CRISP1: variants seen among roughly 807,000 people sequenced by gnomAD.
CRISP1 encodes the protein cysteine rich secretory protein 1, also known as cysteine-rich secretory protein 1.
Under a neutral mutation model 33.1 loss-of-function variants are expected in CRISP1, and 44 were observed. The ratio of observed to expected loss-of-function variants is 1.33; its 90% CI spans 1.05 to 1.71. The LOEUF (loss-of-function observed/expected upper bound fraction) is 1.71. Ranked by LOEUF, CRISP1 falls within the 40% of genes most tolerant of loss-of-function variation. The pLI, the probability that CRISP1 is intolerant of heterozygous loss-of-function variation, is 0.00. For synonymous variants in CRISP1, 103 were observed against 98.7 expected (o/e 1.04, Z -0.26); for missense variants, 390 against 301.2 (o/e 1.29, Z -2.18).
At chr6:49,844,928 T>G (rs895696035) in intron 5 of CRISP1, among the ~76,000 whole-genome samples, 8 of 149,526 alleles carry the variant, frequency 5.4e-5, no homozygotes, top group African/African-American at 2.1e-4. Flanking sequence ...TTAGATAATA[T>G]TTAGGTAAGA....
In CRISP1 at chr6:49,852,134, T is replaced by A. The variant is rs756280912; in HGVS notation, c.67-5A>T. On this transcript the variant is annotated splice_region_variant and splice_polypyrimidine_tract_variant and intron_variant, in intron 2 of 7. Transcript: ENST00000335847. Reference sequence around the variant, plus strand: ...TTGGTCTCTAGCTGATTTCTTCTGTTACCAGAAAAATATTAATTAGTGTTA... The same window carrying A: ...TTGGTCTCTAGCTGATTTCTTCTGTAACCAGAAAAATATTAATTAGTGTTA... 2 of 1,609,116 alleles carry A rather than the reference T, an allele frequency of 1.2e-6. No individual in the cohort carries two copies. The highest frequency in any genetic ancestry group is 2.7e-5 in the African/African-American group (2 of 74,646).
At chr6:49,875,148 T>C (rs940046790) in intron 1 of CRISP1, among the ~76,000 whole-genome samples, 1 of 152,024 alleles carries the variant, frequency 6.6e-6, no homozygotes, top group African/African-American at 2.4e-5. Context: ...CGATCCTATA[T>C]ATAGAAAACT....
intron 2 of CRISP1, among the ~76,000 whole-genome samples, chr6:49,855,839 G>T (rs1771479635): frequency 6.6e-6 from 1 of 152,056 alleles, no homozygotes; most frequent in Non-Finnish European, 1.5e-5. Context: ...TCTGAAAAAA[G>T]AAAGCATAAT....
At chr6:49,875,678 A>G (rs1351549812) in intron 1 of CRISP1, among the ~76,000 whole-genome samples, 1 of 152,178 alleles carries the variant, frequency 6.6e-6, no homozygotes, top group Non-Finnish European at 1.5e-5. Flanking sequence ...TCAAAACAGC[A>G]TGGTACTGGT....
chr6:49,839,876 A>T (rs1770927643), intron 6 of CRISP1, among the ~76,000 whole-genome samples: 1 of 152,192 alleles, frequency 6.6e-6, no homozygotes. Context: ...TACACTCTGA[A>T]TCAATAGTGA....
chr6:49,861,361 A>T (rs908389958), intron 1 of CRISP1, among the ~76,000 whole-genome samples: 2 of 152,168 alleles, frequency 1.3e-5, no homozygotes, highest in African/African-American at 4.8e-5. Flanking sequence ...CTAACAAACC[A>T]AATCCAACAG....
chr6:49,872,423 T>C (rs1191557492), intron 1 of CRISP1, among the ~76,000 whole-genome samples: 5 of 152,176 alleles, frequency 3.3e-5, no homozygotes, highest in Admixed American at 6.5e-5. Flanking sequence ...CATTTGTCAA[T>C]TTTGGCTTTT....
intron 1 of CRISP1, among the ~76,000 whole-genome samples, chr6:49,862,829 A>AC (rs1771689503): frequency 6.6e-6 from 1 of 150,900 alleles, no homozygotes; most frequent in Non-Finnish European, 1.5e-5. Context: ...AAAAAAAAAC[A>AC]AAACAAAACT....
chr6:49,842,853 C>T (rs113979133), intron 5 of CRISP1, among the ~76,000 whole-genome samples: 2,049 of 152,180 alleles, frequency 0.013, 20 homozygotes, highest in South Asian at 0.033. Context: ...TGAGAGGAAT[C>T]CATAACTGGT....
Position 49,852,103 on chromosome 6 carries a change from A to G in CRISP1, c.93T>C (p.Asn31=), listed in dbSNP as rs377118227. Residue 31 remains asparagine (N), a synonymous_variant, in exon 3 of 8, where the codon AAT becomes AAC. Transcript: ENST00000335847. ...MKKKSARDQF[N]KLVTDLPNVQ... The stretch of plus-strand genomic sequence containing the variant: ...CATTTGGCAAGTCGGTGACGAGCTT[A>G]TTAAATTGGTCTCTAGCTGATTTCT... 3 of 1,612,904 alleles carry G rather than the reference A, an allele frequency of 1.9e-6. No individual in the cohort carries two copies. The African/African-American group carries it at 4.0e-5, about 22-fold the overall frequency.
At chr6:49,848,913 A>AT (rs143768583) in intron 3 of CRISP1, among the ~76,000 whole-genome samples, 14,710 of 152,206 alleles carry the variant, frequency 0.097, 988 homozygotes, top group Non-Finnish European at 0.15. Context: ...TACAAAAAAA[A>AT]AATATTATAT....
upstream of CRISP1, among the ~76,000 whole-genome samples, chr6:49,869,597 C>T (rs1055787148): frequency 2.0e-5 from 3 of 152,136 alleles, no homozygotes; most frequent in Non-Finnish European, 4.4e-5. Context: ...TTCTACAGCT[C>T]ACTTGAGGAA....
intron 5 of CRISP1, among the ~76,000 whole-genome samples, chr6:49,842,818 T>C (rs1047336851): frequency 6.6e-6 from 1 of 152,170 alleles, no homozygotes; most frequent in African/African-American, 2.4e-5. Context: ...TGGGTTCTAG[T>C]CCTAGCTCCT....
At chr6:49,848,446 G>T (rs1771255126) in intron 3 of CRISP1, 147 bp from the exon 4 acceptor site, 1 of 477,620 alleles carries the variant, frequency 2.1e-6, no homozygotes, top group Non-Finnish European at 3.6e-6. Flanking sequence ...AAACGTTCTA[G>T]TAGAAAGAGA....
intron 4 of CRISP1, 51 bp downstream of exon 4, chr6:49,848,158 C>T (rs367802312): frequency 2.1e-6 from 2 of 940,536 alleles, no homozygotes; most frequent in Non-Finnish European, 3.2e-6. Flanking sequence ...CCCTGTTTTA[C>T]TATTTTTTTT....
rs571761142 is a variant in CRISP1 at position 49,845,657 on chromosome 6, C to G, written c.435+863G>C. On this transcript the variant is annotated intron_variant, in intron 5 of 7. Transcript: ENST00000335847. ...CCCAAAACAATTGAAAGCAAGCACT[C>G]AAACAGATATTTTCACACCAATATT... 6.7e-5 allele frequency among the ~76,000 whole-genome samples: 10 copies of G among 148,520 alleles called. No individual in the cohort carries two copies. In the South Asian group the frequency reaches 1.1e-3, roughly 16 times the overall value.
upstream of CRISP1, among the ~76,000 whole-genome samples, chr6:49,868,026 A>G (rs760632243): frequency 6.6e-6 from 1 of 152,168 alleles, no homozygotes; most frequent in East Asian, 1.9e-4. Flanking sequence ...CATCAAGTCA[A>G]GTGTTTATGG....
rs141125432 is a variant in CRISP1, at chr6:49,846,534, C to A, written c.421G>T (p.Asp141Tyr). ...ACACAGGTTACCTGAGTGTAGTGGT[C>A]AGTAGTTATGTCATCATCCGTTGTT... is the stretch of plus-strand genomic sequence containing the variant. Reference protein sequence around the residue: ...WTTTDDDITTDHYTQIVWATS... With the variant: ...WTTTDDDITTYHYTQIVWATS... The change falls in exon 5 of 8, where the codon GAC becomes TAC. Residue 141 changes from aspartate to tyrosine, a missense_variant. Transcript: ENST00000335847. 85 of 1,612,968 alleles carry A rather than the reference C, an allele frequency of 5.3e-5. No homozygotes were observed. Among genetic ancestry groups the A allele is most frequent in the Non-Finnish European group, 6.7e-5 (79 of 1,179,464 alleles).
chr6:49,858,457 C>A (rs931010369), intron 1 of CRISP1, among the ~76,000 whole-genome samples: 12 of 152,170 alleles, frequency 7.9e-5, no homozygotes, highest in Admixed American at 6.5e-5. Flanking sequence ...TAATACAGGG[C>A]AGACAATTAA....
Sources: allele counts gnomAD v4.1 joint callset (sites outside exome capture counted in the v4.1 genomes callset), GRCh38; gene constraint gnomAD v4.1.1; transcripts MANE v1.5; gene names NCBI Gene and HGNC (gene_info 2026-07-23, HGNC 2026-07-21).